Variants in TMEM154 observed in about 807,000 individuals in gnomAD.
TMEM154 encodes transmembrane protein 154.
Under a neutral mutation model 24.5 loss-of-function variants are expected in TMEM154, and 27 were observed. The observed-to-expected ratio is 1.10, with a 90% confidence interval of 0.81 to 1.52. The LOEUF (loss-of-function observed/expected upper bound fraction) is 1.52, where lower values mean the gene tolerates loss of function less well. TMEM154 is among the 40% of genes most tolerant of loss of function. The pLI, the probability that TMEM154 is intolerant of heterozygous loss-of-function variation, is 0.00. For synonymous variants in TMEM154, 67 were observed against 76.8 expected, an observed-to-expected ratio of 0.87 and a Z score of 0.67; for missense variants, 228 against 213.4, an observed-to-expected ratio of 1.07 and a Z score of -0.43.
Position 152,679,975 on chromosome 4 carries a change from G to A in TMEM154, c.-42C>T, listed in dbSNP as rs1729031963. On this transcript the variant is annotated 5_prime_UTR_variant, in exon 1 of 7. Coordinates refer to ENST00000304385, the MANE Select transcript of TMEM154 (RefSeq NM_152680.3). ...AGAGGCGCGCTCAGGATGCTGCGCC[G>A]GGCTGCAGCCTCTCTGAAACGTGAA... 2 of 1,558,554 alleles carry A rather than the reference G, an allele frequency of 1.3e-6. No individual in the cohort carries two copies. The highest frequency in any genetic ancestry group is 1.8e-6 in the Non-Finnish European group (2 of 1,142,042).
At chr4:152,648,298 C>T (rs974587128) in intron 3 of TMEM154, among the ~76,000 whole-genome samples, 12 of 152,034 alleles carry the variant, frequency 7.9e-5, no homozygotes, top group Admixed American at 4.6e-4. Context: ...GCCTGAGCAA[C>T]ATAGCAAGAC....
chr4:152,641,900 ATTCTTTTTTTTTTTTTTTTT>A (rs1752264726), intron 5 of TMEM154, among the ~76,000 whole-genome samples: 1 of 65,654 alleles, frequency 1.5e-5, no homozygotes, highest in Admixed American at 1.7e-4. Context: ...GGTAGCAATA[ATTCTTTTTTTTTTTTTTTTT>A]TTTTTTTTTT....
chr4:152,644,321 G>T, intron 4 of TMEM154, 94 bp downstream of exon 4: 1 of 1,402,180 alleles, frequency 7.1e-7, no homozygotes, highest in Non-Finnish European at 1.0e-6. Context: ...AGTCCCGCAA[G>T]ATGTCAGAAC....
intron 1 of TMEM154, among the ~76,000 whole-genome samples, chr4:152,654,588 C>A (rs1579524824): frequency 1.3e-5 from 2 of 152,208 alleles, no homozygotes; most frequent in Middle Eastern, 6.8e-3. Context: ...TTTGAGAGGT[C>A]ATTAGGTTTA....
chr4:152,678,125 G>A (rs1579543291), intron 1 of TMEM154, among the ~76,000 whole-genome samples: 2 of 152,136 alleles, frequency 1.3e-5, no homozygotes, highest in African/African-American at 2.4e-5. Flanking sequence ...CAAGAGCCAC[G>A]GAGGGGGACG....
rs1751961070 is a variant in TMEM154, at chr4:152,628,576, A to AAAAAC, written c.537-16_537-15insGTTTT. On this transcript the variant is annotated splice_polypyrimidine_tract_variant and intron_variant, in intron 6 of 6. Transcript: ENST00000304385. ...ATTCACTGTCACTGTAAAAAAAAAAAAAAAAAAAAAAAAAAACAAAAAAAA... is the reference window on the plus strand; with the variant it reads ...ATTCACTGTCACTGTAAAAAAAAAAAAAAACAAAAAAAAAAAAAAAACAAAAAAAA... 8.1e-7 allele frequency: 1 copy of AAAAAC among 1,236,986 alleles called. No individual in the cohort carries two copies. Among genetic ancestry groups the AAAAAC allele is most frequent in the African/African-American group, 1.8e-5 (1 of 55,526 alleles). 76.6% of individuals were successfully genotyped at this position (1,236,986 alleles called of 1,614,324 possible).
chr4:152,656,444 C>T (rs1728494197), intron 1 of TMEM154, among the ~76,000 whole-genome samples: 1 of 152,154 alleles, frequency 6.6e-6, no homozygotes, highest in Non-Finnish European at 1.5e-5. Context: ...ACAGCCTCCA[C>T]TAACAACCAC....
In TMEM154 at chr4:152,653,738, T is replaced by C. The variant is rs1160480093; in HGVS notation, c.65-811A>G. 2.0e-5 allele frequency among the ~76,000 whole-genome samples: 3 copies of C among 152,020 alleles called. No homozygotes were observed. In the East Asian group the frequency reaches 5.8e-4, roughly 29 times the overall value. On this transcript the variant is annotated intron_variant, in intron 1 of 6. Transcript: ENST00000304385. Reference sequence around the variant, plus strand: ...GTTACCTATCAATGGAAAATAATTCTTTGAAAATGAATTGACTGTGCCGGG... The same window carrying C: ...GTTACCTATCAATGGAAAATAATTCCTTGAAAATGAATTGACTGTGCCGGG...
At chr4:152,655,476 A>C (rs1728472725) in intron 1 of TMEM154, among the ~76,000 whole-genome samples, 1 of 152,084 alleles carries the variant, frequency 6.6e-6, no homozygotes, top group African/African-American at 2.4e-5. Context: ...GCACAGTGCC[A>C]CTTTGAGGGC....
chr4:152,672,690 T>C (rs1331986447), intron 1 of TMEM154, among the ~76,000 whole-genome samples: 1 of 152,194 alleles, frequency 6.6e-6, no homozygotes, highest in East Asian at 1.9e-4. Context: ...CAAGAAGAAC[T>C]CACAGGCTCT....
chr4:152,679,719 CA>C (rs1432862306), intron 1 of TMEM154, 150 bp downstream of exon 1: 21 of 1,156,878 alleles, frequency 1.8e-5, no homozygotes, highest in Non-Finnish European at 2.4e-5. Flanking sequence ...TCCCACCCCC[CA>C]AAAAAAGGAG....
rs912105633 is a variant in TMEM154 at position 152,628,276 on chromosome 4, G to T, written c.*270C>A. 1.8e-6 allele frequency: 1 copy of T among 571,300 alleles called. No homozygotes were observed. Among genetic ancestry groups the T allele is most frequent in the Non-Finnish European group, 3.1e-6 (1 of 326,474 alleles). The allele number at this position is 571,300 out of a possible 1,614,324, so 35.4% of individuals were successfully genotyped here. A position where few individuals can be genotyped will look rare whatever the true frequency, so the allele number is the denominator to read the frequency against. On this transcript the variant is annotated 3_prime_UTR_variant, in exon 7 of 7. Transcript: ENST00000304385. ...AGGAGGCAACACATGTTGATCAGAAGTGAGCACATCACCCGCCTCCTTCTC... is the reference window on the plus strand; with the variant it reads ...AGGAGGCAACACATGTTGATCAGAATTGAGCACATCACCCGCCTCCTTCTC...
chr4:152,670,200 A>G (rs1005625993), intron 1 of TMEM154: 2 of 152,206 alleles, frequency 1.3e-5, no homozygotes, highest in African/African-American at 4.8e-5. Context: ...TTTTCTCCGC[A>G]GCTACATAGT....
intron 1 of TMEM154, among the ~76,000 whole-genome samples, chr4:152,672,356 C>T (rs1728859015): frequency 6.6e-6 from 1 of 152,078 alleles, no homozygotes; most frequent in Non-Finnish European, 1.5e-5. Context: ...AGATTCATAA[C>T]CAAACACTGG....
At chr4:152,652,306 G>A (rs1278241826) in intron 3 of TMEM154, among the ~76,000 whole-genome samples, 3 of 146,732 alleles carry the variant, frequency 2.0e-5, no homozygotes, top group African/African-American at 2.5e-5. Context: ...CCTGTAAAGT[G>A]CAATAAAGCA....
Position 152,622,767 on chromosome 4 carries a change from T to C in TMEM154, c.*5779A>G, listed in dbSNP as rs567929685. ...GTATGCAAAGTAGGAGAAAAACACCTAAAACCTTTAATCAGTCTTAAAATT... is the reference window on the plus strand; with the variant it reads ...GTATGCAAAGTAGGAGAAAAACACCCAAAACCTTTAATCAGTCTTAAAATT... On this transcript the variant is annotated 3_prime_UTR_variant, in exon 7 of 7. Coordinates refer to ENST00000304385, the MANE Select transcript of TMEM154 (RefSeq NM_152680.3). The C allele has an allele frequency of 6.6e-6, 1 of 152,340 alleles. No homozygotes were observed. Among genetic ancestry groups the C allele is most frequent in the East Asian group, 1.9e-4 (1 of 5,194 alleles). The allele number at this position is 152,340 out of a possible 1,614,324, so 9.4% of individuals were successfully genotyped here. A position where few individuals can be genotyped will look rare whatever the true frequency, so the allele number is the denominator to read the frequency against.
intron 6 of TMEM154, among the ~76,000 whole-genome samples, chr4:152,632,202 C>T (rs1752058498): frequency 6.6e-6 from 1 of 152,074 alleles, no homozygotes; most frequent in Non-Finnish European, 1.5e-5. Context: ...TATATTTTTT[C>T]TGGCTTTTTT....
intron 1 of TMEM154, among the ~76,000 whole-genome samples, chr4:152,662,041 T>C (rs1313877014): frequency 2.0e-5 from 3 of 152,244 alleles, no homozygotes; most frequent in Non-Finnish European, 2.9e-5. Flanking sequence ...GAGAGCTTTT[T>C]TCCCCATTGT....
At chr4:152,642,520 A>G (rs990478893) in intron 5 of TMEM154, among the ~76,000 whole-genome samples, 1 of 152,238 alleles carries the variant, frequency 6.6e-6, no homozygotes, top group Admixed American at 6.5e-5. Context: ...GGGTATGTAT[A>G]TCACCATCTA....
Sources: allele counts gnomAD v4.1 joint callset (sites outside exome capture counted in the v4.1 genomes callset), GRCh38; gene constraint gnomAD v4.1.1; transcripts MANE v1.5; gene names NCBI Gene and HGNC (gene_info 2026-07-23, HGNC 2026-07-21).